Variants in GALNT17 observed in about 807,000 individuals in gnomAD.
GALNT17 encodes the protein polypeptide N-acetylgalactosaminyltransferase 17.
GALNT17 carries 29 observed loss-of-function variants against 63.7 expected under a neutral mutation model. The ratio of observed to expected loss-of-function variants is 0.46; its 90% CI spans 0.34 to 0.62. GALNT17 has a LOEUF of 0.62. Ranked by LOEUF, GALNT17 falls within the 20% of genes least tolerant of loss-of-function variation. The pLI is 0.01. For synonymous variants in GALNT17, 305 were observed against 318.3 expected (o/e 0.96, Z 0.45); for missense variants, 603 against 799.6 (o/e 0.75, Z 2.97).
intron 6 of GALNT17, among the ~76,000 whole-genome samples, chr7:71,589,333 T>C (rs1488309942): frequency 6.6e-6 from 1 of 152,102 alleles, no homozygotes; most frequent in Non-Finnish European, 1.5e-5. Context: ...ATCTCAGTGC[T>C]TTGAGAGGCT....
At position 71,514,967 on chromosome 7, in the gene GALNT17, G is replaced by A. The variant is rs541587594; in HGVS notation, c.963-56318G>A. The stretch of plus-strand genomic sequence containing the variant: ...TCTTGTGATAGTGCATAAATCTCAC[G>A]AGATCTGATGGTTTTATAAGGGGTT... On this transcript the variant is annotated intron_variant, in intron 5 of 10. Transcript: ENST00000333538. Among the ~76,000 whole-genome samples the A allele has an allele frequency of 2.7e-3, 408 of 152,242 alleles. 1 individual carries two copies. Among genetic ancestry groups the A allele is most frequent in the African/African-American group, 8.2e-3 (340 of 41,544 alleles).
At chr7:71,575,735 T>C (rs1432429255) in intron 6 of GALNT17, among the ~76,000 whole-genome samples, 1 of 152,128 alleles carries the variant, frequency 6.6e-6, no homozygotes, top group East Asian at 1.9e-4. Flanking sequence ...TCTTTCTAAC[T>C]AGTCTTTGAA....
At chr7:71,563,243 G>A (rs1789284686) in intron 5 of GALNT17, among the ~76,000 whole-genome samples, 1 of 152,246 alleles carries the variant, frequency 6.6e-6, no homozygotes, top group Non-Finnish European at 1.5e-5. Flanking sequence ...TGACTTTGAA[G>A]GATGAGGCTG....
intron 3 of GALNT17, among the ~76,000 whole-genome samples, chr7:71,399,231 C>A (rs1793194411): frequency 6.6e-6 from 1 of 152,064 alleles, no homozygotes; most frequent in Non-Finnish European, 1.5e-5. Context: ...GAGATTCCAT[C>A]CCCCCTGCCC....
At chr7:71,303,211 C>T (rs1042740352) in intron 1 of GALNT17, among the ~76,000 whole-genome samples, 8 of 151,704 alleles carry the variant, frequency 5.3e-5, no homozygotes. Context: ...GGCTGGAGCG[C>T]AGTGGTGAAA....
At chr7:71,229,007 G>A (rs1463161240) in intron 1 of GALNT17, among the ~76,000 whole-genome samples, 2 of 152,178 alleles carry the variant, frequency 1.3e-5, no homozygotes, top group African/African-American at 4.8e-5. Context: ...CAGGGCTGGG[G>A]CTTGGTTCTG....
intron 1 of GALNT17, among the ~76,000 whole-genome samples, chr7:71,227,173 A>G: frequency 1.3e-5 from 1 of 79,270 alleles, no homozygotes. Flanking sequence ...CACCGTCTCT[A>G]CAAAAAAAAA....
At position 71,685,643 on chromosome 7, in the gene GALNT17, G is replaced by C. The variant is rs1318398317; in HGVS notation, c.1500+8337G>C. 2.0e-5 allele frequency: 3 copies of C among 152,136 alleles called. No homozygotes were observed. The East Asian group carries it at 5.8e-4, about 30-fold the overall frequency. The allele number at this position is 152,136 out of a possible 1,614,324, so 9.4% of individuals were successfully genotyped here. ...CAGTTTCAGGAGGGATGCACGTGGAGGGGTGAGGGAGAAAGGGGACACCCG... is the reference window on the plus strand; with the variant it reads ...CAGTTTCAGGAGGGATGCACGTGGACGGGTGAGGGAGAAAGGGGACACCCG... On this transcript the variant is annotated intron_variant, in intron 9 of 10. Coordinates refer to ENST00000333538, the MANE Select transcript of GALNT17 (RefSeq NM_022479.3).
intron 8 of GALNT17, among the ~76,000 whole-genome samples, chr7:71,674,030 G>T (rs375448462): frequency 1.2e-4 from 18 of 152,332 alleles, no homozygotes; most frequent in Middle Eastern, 3.4e-3. Flanking sequence ...TACAGTGGGG[G>T]TGGCATTGGG....
intron 5 of GALNT17, among the ~76,000 whole-genome samples, chr7:71,458,363 ACAGT>A (rs777316849): frequency 2.0e-5 from 3 of 152,170 alleles, no homozygotes; most frequent in Admixed American, 6.5e-5. Flanking sequence ...GAGCAAGTAA[ACAGT>A]CAGGTGCAGG....
At chr7:71,260,059 A>G (rs1228513239) in intron 1 of GALNT17, among the ~76,000 whole-genome samples, 1 of 152,142 alleles carries the variant, frequency 6.6e-6, no homozygotes, top group Non-Finnish European at 1.5e-5. Context: ...TTTTATATAC[A>G]AAAAGGAGTT....
chr7:71,693,010 G>C (rs1432269294), intron 9 of GALNT17, among the ~76,000 whole-genome samples: 8 of 151,554 alleles, frequency 5.3e-5, no homozygotes, highest in African/African-American at 1.9e-4. Flanking sequence ...AAGTGCATGA[G>C]CCACCGCACC....
intron 6 of GALNT17, among the ~76,000 whole-genome samples, chr7:71,627,943 G>A (rs1790397684): frequency 6.6e-6 from 1 of 152,140 alleles, no homozygotes; most frequent in Admixed American, 6.6e-5. Flanking sequence ...ATTGGTTCTT[G>A]AAGGGGGGTG....
At chr7:71,332,774 C>T (rs1313082650) in intron 1 of GALNT17, among the ~76,000 whole-genome samples, 2 of 152,192 alleles carry the variant, frequency 1.3e-5, no homozygotes, top group Non-Finnish European at 2.9e-5. Flanking sequence ...TCACTGCAAC[C>T]TCTGCCTCCT....
intron 1 of GALNT17, among the ~76,000 whole-genome samples, chr7:71,154,729 A>G (rs1387945816): frequency 6.6e-6 from 1 of 151,970 alleles, no homozygotes; most frequent in Non-Finnish European, 1.5e-5. Flanking sequence ...GGCGCCCGCC[A>G]CCATGCCCGG....
At chr7:71,282,204 T>C (rs564563654) in intron 1 of GALNT17, among the ~76,000 whole-genome samples, 10 of 152,230 alleles carry the variant, frequency 6.6e-5, no homozygotes, top group Non-Finnish European at 1.3e-4. Context: ...GACAAAAGCA[T>C]GTTCATCCTA....
chr7:71,452,082 A>G (rs1421165782), intron 5 of GALNT17, among the ~76,000 whole-genome samples: 1 of 152,138 alleles, frequency 6.6e-6, no homozygotes, highest in Non-Finnish European at 1.5e-5. Flanking sequence ...TACATGATAA[A>G]TAAATGACAA....
At chr7:71,697,583 A>G (rs1263309994) in intron 9 of GALNT17, among the ~76,000 whole-genome samples, 1 of 152,118 alleles carries the variant, frequency 6.6e-6, no homozygotes, top group Non-Finnish European at 1.5e-5. Context: ...AGAATAATGC[A>G]TTACCCATCC....
chr7:71,408,074 A>G (rs949786477), intron 3 of GALNT17, among the ~76,000 whole-genome samples: 6 of 152,154 alleles, frequency 3.9e-5, no homozygotes, highest in Non-Finnish European at 8.8e-5. Flanking sequence ...GGTAAAAACA[A>G]TGAAAAAAGT....
Sources: gnomAD v4.1 joint callset for allele counts (sites outside exome capture counted in the v4.1 genomes callset) on GRCh38, gnomAD v4.1.1 for gene constraint, MANE v1.5 for transcripts, NCBI Gene and HGNC (gene_info 2026-07-23, HGNC 2026-07-21) for gene names.